PRR11: variants seen among roughly 807,000 people sequenced by gnomAD.
The protein encoded by PRR11 is proline-rich protein 11.
In PRR11, 30 loss-of-function variants were observed where a neutral mutation model predicts 45.6. The ratio of observed to expected loss-of-function variants is 0.66; its 90% CI spans 0.49 to 0.89. PRR11 has a LOEUF of 0.89. PRR11 is among the 40% of genes least tolerant of loss of function. The pLI, the probability that PRR11 is intolerant of heterozygous loss-of-function variation, is 0.00. For missense variants in PRR11, 373 were observed against 424.8 expected (o/e 0.88, Z 1.07); for synonymous variants, 128 against 153.5 (o/e 0.83, Z 1.23).
intron 1 of PRR11, among the ~76,000 whole-genome samples, chr17:59,167,056 C>T (rs971469103): frequency 2.0e-5 from 3 of 151,972 alleles, no homozygotes; most frequent in Non-Finnish European, 4.4e-5. Flanking sequence ...ACCAGCTACT[C>T]GAGAGGCTGA....
intron 2 of PRR11, 89 bp from the exon 3 acceptor site, chr17:59,184,965 A>G (rs928281870): frequency 8.1e-7 from 1 of 1,232,594 alleles, no homozygotes; most frequent in Non-Finnish European, 1.1e-6. Context: ...CCAAAGTGCT[A>G]GCAGTAGAGG....
intron 4 of PRR11, among the ~76,000 whole-genome samples, chr17:59,192,002 C>G (rs901236073): frequency 1.1e-4 from 16 of 152,284 alleles, no homozygotes; most frequent in African/African-American, 3.8e-4. Context: ...AAGGTATATT[C>G]AAGTCCTAAT....
chr17:59,195,408 C>G lies in PRR11; in HGVS notation c.822C>G (p.Ser274=). The change falls in exon 7 of 10, where the codon TCC becomes TCG. Residue 274 remains serine (S), a synonymous_variant. Coordinates refer to ENST00000262293, the MANE Select transcript of PRR11 (RefSeq NM_018304.4). ...AGCATGTTACCCTGAAACCTAACTC[C>G]AAAGTGTTATCGACTCGAGTTACAA... The part of the protein sequence containing the change: ...DLQHVTLKPN[S]KVLSTRVTNV... 6.2e-7 allele frequency: 1 copy of G among 1,613,294 alleles called. No individual in the cohort carries two copies. Among genetic ancestry groups the G allele is most frequent in the South Asian group, 1.1e-5 (1 of 91,054 alleles).
At chr17:59,190,487 A>G (rs993516027) in intron 4 of PRR11, among the ~76,000 whole-genome samples, 1 of 152,108 alleles carries the variant, frequency 6.6e-6, no homozygotes, top group Non-Finnish European at 1.5e-5. Context: ...CTCAAAAAAA[A>G]AAAAAGAAAA....
At position 59,206,065 on chromosome 17, in the gene PRR11, GA is replaced by G. The variant is rs1187387413; in HGVS notation, c.*4439del. On this transcript the variant is annotated 3_prime_UTR_variant, in exon 10 of 10. Transcript: ENST00000262293. ...GACCTTGTCTCAAAAAAAAAAGAAAGAAAAAGAAAAATGCTTTATGGCCCAG... is the reference window on the plus strand; with the variant it reads ...GACCTTGTCTCAAAAAAAAAAGAAAGAAAAGAAAAATGCTTTATGGCCCAG... Among the ~76,000 whole-genome samples the G allele has an allele frequency of 2.7e-5, 4 of 150,782 alleles. No individual in the cohort carries two copies. Among genetic ancestry groups the G allele is most frequent in the Non-Finnish European group, 5.9e-5 (4 of 67,696 alleles).
At chr17:59,197,473 G>A in intron 7 of PRR11, 71 bp from the exon 8 acceptor site, 2 of 1,358,738 alleles carry the variant, frequency 1.5e-6, no homozygotes, top group East Asian at 4.6e-5. Context: ...GGATGGTCTT[G>A]ATCTCCTGAC....
At chr17:59,179,237 C>T (rs1289391209) in intron 2 of PRR11, among the ~76,000 whole-genome samples, 2 of 152,028 alleles carry the variant, frequency 1.3e-5, no homozygotes, top group East Asian at 1.9e-4. Context: ...TGACCTGCCT[C>T]GGCCTCCCAA....
chr17:59,166,684 A>T lies in PRR11; in HGVS notation c.-5-3064A>T, dbSNP rs1480956557. 6.6e-5 allele frequency among the ~76,000 whole-genome samples: 10 copies of T among 152,270 alleles called. No individual in the cohort carries two copies. The East Asian group carries it at 1.9e-3, about 29-fold the overall frequency. On this transcript the variant is annotated intron_variant, in intron 1 of 9. Transcript: ENST00000262293. ...TTAGAAAGAACAGATATATTTATAT[A>T]AAAATATTTGTTACATTCTTAAGTA... is the stretch of plus-strand genomic sequence containing the variant.
At chr17:59,188,187 A>C (rs983188755) in intron 4 of PRR11, among the ~76,000 whole-genome samples, 14 of 152,186 alleles carry the variant, frequency 9.2e-5, no homozygotes, top group Admixed American at 9.2e-4. Context: ...TTGGGAGGCA[A>C]TTAGTAGTCT....
chr17:59,163,765 A>G (rs563152344), intron 1 of PRR11: 3 of 152,344 alleles, frequency 2.0e-5, no homozygotes, highest in East Asian at 3.9e-4. Flanking sequence ...TTTGTGACAC[A>G]TGAAAAGTAT....
intron 1 of PRR11, among the ~76,000 whole-genome samples, chr17:59,159,875 G>T (rs1372640194): frequency 1.3e-5 from 2 of 151,996 alleles, no homozygotes; most frequent in Admixed American, 6.6e-5. Context: ...ATGTACCCTT[G>T]CTTTATTTCT....
intron 1 of PRR11, among the ~76,000 whole-genome samples, chr17:59,169,268 T>C (rs2046695233): frequency 1.3e-5 from 2 of 151,894 alleles, no homozygotes; most frequent in South Asian, 4.2e-4. Flanking sequence ...CTGGCTGATT[T>C]TGTATTTTTA....
intron 7 of PRR11, among the ~76,000 whole-genome samples, chr17:59,195,924 T>C (rs547966095): frequency 1.3e-5 from 2 of 151,614 alleles, no homozygotes; most frequent in African/African-American, 4.8e-5. Flanking sequence ...TAAAAAAAAC[T>C]AATTAAATTA....
chr17:59,158,182 A>G (rs1246842194), intron 1 of PRR11, among the ~76,000 whole-genome samples: 1 of 152,178 alleles, frequency 6.6e-6, no homozygotes, highest in Non-Finnish European at 1.5e-5. Context: ...AGCAAACCCA[A>G]ACTAAGAAAC....
chr17:59,178,001 C>CG (rs924698125), intron 2 of PRR11, among the ~76,000 whole-genome samples: 3 of 131,294 alleles, frequency 2.3e-5, no homozygotes, highest in Non-Finnish European at 3.2e-5. Flanking sequence ...GATACTGTCT[C>CG]GAAAAAAAAA....
At chr17:59,188,993 G>A (rs1296925625) in intron 4 of PRR11, among the ~76,000 whole-genome samples, 1 of 149,514 alleles carries the variant, frequency 6.7e-6, no homozygotes, top group Non-Finnish European at 1.5e-5. Context: ...TAAATTAAGT[G>A]TAAAGGTATA....
At chr17:59,167,315 A>G (rs913250032) in intron 1 of PRR11, among the ~76,000 whole-genome samples, 1 of 152,128 alleles carries the variant, frequency 6.6e-6, no homozygotes, top group Non-Finnish European at 1.5e-5. Flanking sequence ...GTAAAATTCA[A>G]TGCACTCCTT....
intron 1 of PRR11, among the ~76,000 whole-genome samples, chr17:59,168,156 T>G (rs1368922738): frequency 2.0e-5 from 3 of 151,534 alleles, no homozygotes; most frequent in African/African-American, 7.3e-5. Context: ...TTATTTTATT[T>G]TATTTTATTT....
In PRR11 at chr17:59,204,846, T is replaced by G. The variant is rs376536969; in HGVS notation, c.*3215T>G. 2 of 152,182 alleles carry G rather than the reference T, an allele frequency of 1.3e-5. No individual in the cohort carries two copies. The highest frequency in any genetic ancestry group is 4.8e-5 in the African/African-American group (2 of 41,354). The allele number at this position is 152,182 out of a possible 1,614,324, so 9.4% of individuals were successfully genotyped here. ...GAGTTCAAAACAAGCCTGGGCAACA[T>G]TGCAAGACCCCAACTCTACAAAAAA... On this transcript the variant is annotated 3_prime_UTR_variant, in exon 10 of 10. Transcript: ENST00000262293.
Sources: gnomAD v4.1 joint callset for allele counts (sites outside exome capture counted in the v4.1 genomes callset) on GRCh38, gnomAD v4.1.1 for gene constraint, MANE v1.5 for transcripts, NCBI Gene and HGNC (gene_info 2026-07-23, HGNC 2026-07-21) for gene names.